Variants in BTBD9 observed in about 807,000 individuals in gnomAD.
BTBD9 encodes BTB domain containing 9.
Under a neutral mutation model 64.3 loss-of-function variants are expected in BTBD9, and 49 were observed. The observed-to-expected ratio is 0.76, with a 90% CI of 0.61 to 0.97. The LOEUF (loss-of-function observed/expected upper bound fraction) is 0.97, where lower values mean the gene tolerates loss of function less well. Ranked by LOEUF, BTBD9 falls within the 50% of genes least tolerant of loss-of-function variation. BTBD9 has a pLI of 0.00. For missense variants in BTBD9, 598 were observed against 762.1 expected (o/e 0.78, Z 2.53); for synonymous variants, 260 against 274.7 (o/e 0.95, Z 0.53).
Position 38,285,335 on chromosome 6 carries a change from G to T in BTBD9, c.1454+2937C>A, listed in dbSNP as rs114353030. Among the ~76,000 whole-genome samples, 146 of 152,258 alleles carry T rather than the reference G, an allele frequency of 9.6e-4. 1 individual carries two copies. The highest frequency in any genetic ancestry group is 3.4e-3 in the African/African-American group (140 of 41,546). On this transcript the variant is annotated intron_variant, in intron 8 of 10. Transcript: ENST00000481247. Reference sequence around the variant, plus strand: ...GACTGGATGAGAGAGGAAGGTGAAGGAGAGGAAGGAAATCAGGGAGATTCC... The same window carrying T: ...GACTGGATGAGAGAGGAAGGTGAAGTAGAGGAAGGAAATCAGGGAGATTCC...
At chr6:38,606,902 T>C (rs775617365) in intron 1 of BTBD9, among the ~76,000 whole-genome samples, 2 of 152,172 alleles carry the variant, frequency 1.3e-5, no homozygotes, top group Admixed American at 6.5e-5. Flanking sequence ...CAGAAAGGGT[T>C]TGTCAAGGTC....
chr6:38,484,681 G>A (rs1186654273), intron 6 of BTBD9, among the ~76,000 whole-genome samples: 4 of 152,136 alleles, frequency 2.6e-5, no homozygotes, highest in East Asian at 1.9e-4. Context: ...TAAAAATTAC[G>A]TTTACACTGT....
intron 6 of BTBD9, among the ~76,000 whole-genome samples, chr6:38,562,629 G>A (rs2127457792): frequency 6.6e-6 from 1 of 152,156 alleles, no homozygotes; most frequent in South Asian, 2.1e-4. Flanking sequence ...ACATACGTAA[G>A]GTTGTTTATT....
rs1355824928 is a variant in BTBD9 at position 38,192,381 on chromosome 6, C to T, written c.1641+138G>A. 8.2e-6 allele frequency: 6 copies of T among 727,800 alleles called. No homozygotes were observed. In the African/African-American group the frequency reaches 1.1e-4, roughly 13 times the overall value. The allele number at this position is 727,800 out of a possible 1,614,324, so 45.1% of individuals were successfully genotyped here. A position where few individuals can be genotyped will look rare whatever the true frequency, so the allele number is the denominator to read the frequency against. On this transcript the variant is annotated intron_variant, in intron 10 of 10. Coordinates refer to ENST00000481247, the MANE Select transcript of BTBD9 (RefSeq NM_001099272.2). ...TAATGATAACCCCACTGTGCAACTG[C>T]AGGACTTTCTCCACACCAAGCTGTC...
chr6:38,348,778 C>T (rs538660613), intron 6 of BTBD9, among the ~76,000 whole-genome samples: 9 of 152,270 alleles, frequency 5.9e-5, no homozygotes, highest in African/African-American at 2.2e-4. Context: ...AACTGAAACC[C>T]TCCAAGGACA....
intron 1 of BTBD9, among the ~76,000 whole-genome samples, chr6:38,628,177 C>T (rs1025222826): frequency 1.3e-5 from 2 of 152,072 alleles, no homozygotes; most frequent in Non-Finnish European, 2.9e-5. Context: ...GTTAACATTT[C>T]ACATACTCAA....
At chr6:38,273,943 C>T (rs531443914) in intron 8 of BTBD9, among the ~76,000 whole-genome samples, 9 of 152,352 alleles carry the variant, frequency 5.9e-5, no homozygotes, top group African/African-American at 2.2e-4. Context: ...AGACCAAAGA[C>T]ACAAGTGATT....
chr6:38,328,433 G>A (rs972384470), intron 7 of BTBD9, among the ~76,000 whole-genome samples: 4 of 152,110 alleles, frequency 2.6e-5, no homozygotes, highest in African/African-American at 9.7e-5. Flanking sequence ...AGGGTATAGC[G>A]AGAAGGTGGC....
At chr6:38,187,635 G>A (rs1166078681) in intron 10 of BTBD9, among the ~76,000 whole-genome samples, 1 of 152,120 alleles carries the variant, frequency 6.6e-6, no homozygotes, top group Non-Finnish European at 1.5e-5. Flanking sequence ...ACAGTGGGGG[G>A]GAGTGAAAGT....
At chr6:38,362,606 C>A (rs1765007047) in intron 6 of BTBD9, among the ~76,000 whole-genome samples, 1 of 152,178 alleles carries the variant, frequency 6.6e-6, no homozygotes, top group Admixed American at 6.5e-5. Context: ...AAACGTGATG[C>A]TTAAGGCTTG....
At chr6:38,182,855 TCTAAGGA>T (rs1290925787) in intron 10 of BTBD9, among the ~76,000 whole-genome samples, 2 of 152,236 alleles carry the variant, frequency 1.3e-5, no homozygotes, top group Non-Finnish European at 2.9e-5. Context: ...ATATGACAGG[TCTAAGGA>T]TTGTGCAGTG....
At chr6:38,520,726 A>G (rs1252728256) in intron 6 of BTBD9, among the ~76,000 whole-genome samples, 3 of 152,154 alleles carry the variant, frequency 2.0e-5, no homozygotes, top group African/African-American at 7.2e-5. Context: ...TTAGCTCAAG[A>G]GTTCGAGACC....
intron 6 of BTBD9, among the ~76,000 whole-genome samples, chr6:38,358,680 T>A (rs1405215923): frequency 6.6e-6 from 1 of 152,180 alleles, no homozygotes; most frequent in African/African-American, 2.4e-5. Flanking sequence ...AAATCCTCTG[T>A]TTTTTGTTTG....
chr6:38,211,802 A>T (rs1453231533), intron 9 of BTBD9, among the ~76,000 whole-genome samples: 1 of 152,124 alleles, frequency 6.6e-6, no homozygotes, highest in Non-Finnish European at 1.5e-5. Flanking sequence ...ATGGGGCTAT[A>T]TTTGTGTAGT....
At chr6:38,443,125 A>G (rs958681427) in intron 6 of BTBD9, among the ~76,000 whole-genome samples, 11 of 152,220 alleles carry the variant, frequency 7.2e-5, no homozygotes, top group African/African-American at 2.7e-4. Flanking sequence ...TTGTAACACA[A>G]TGGACCACAT....
intron 7 of BTBD9, among the ~76,000 whole-genome samples, chr6:38,310,884 C>G (rs1762804177): frequency 6.6e-6 from 1 of 152,240 alleles, no homozygotes; most frequent in African/African-American, 2.4e-5. Context: ...GATCTTGACT[C>G]ACTGCAACCT....
chr6:38,600,740 T>C (rs1777212512), intron 1 of BTBD9, among the ~76,000 whole-genome samples: 1 of 152,188 alleles, frequency 6.6e-6, no homozygotes, highest in East Asian at 1.9e-4. Context: ...CAACGATTGA[T>C]TTTTGGTTAA....
intron 6 of BTBD9, among the ~76,000 whole-genome samples, chr6:38,447,802 A>C (rs1311554363): frequency 1.3e-5 from 2 of 152,224 alleles, no homozygotes; most frequent in African/African-American, 4.8e-5. Flanking sequence ...TCATGTCAGA[A>C]AAACATCTCA....
At chr6:38,322,791 A>C (rs1763286500) in intron 7 of BTBD9, among the ~76,000 whole-genome samples, 1 of 152,248 alleles carries the variant, frequency 6.6e-6, no homozygotes, top group Non-Finnish European at 1.5e-5. Flanking sequence ...TAACTGATTT[A>C]CTACAAGAAA....
Sources: gnomAD v4.1 joint callset for allele counts (sites outside exome capture counted in the v4.1 genomes callset) on GRCh38, gnomAD v4.1.1 for gene constraint, MANE v1.5 for transcripts, NCBI Gene and HGNC (gene_info 2026-07-23, HGNC 2026-07-21) for gene names.